The following NBN variants were observed in gnomAD, a reference collection of about 807,000 sequenced individuals.
The protein encoded by NBN is nibrin.
In NBN, 88 loss-of-function variants were observed where a neutral mutation model predicts 90.8. The ratio of observed to expected loss-of-function variants is 0.97; its 90% CI spans 0.82 to 1.16. The LOEUF is 1.16. NBN is among the 50% of genes most tolerant of loss of function. The pLI, the probability that NBN is intolerant of heterozygous loss-of-function variation, is 0.00. For synonymous variants in NBN, 328 were observed against 295.1 expected (o/e 1.11, Z -1.14); for missense variants, 894 against 869.6 (o/e 1.03, Z -0.35).
At chr8:89,963,624 C>T (rs1811103335) in intron 8 of NBN, among the ~76,000 whole-genome samples, 1 of 152,146 alleles carries the variant, frequency 6.6e-6, no homozygotes, top group Admixed American at 6.6e-5. Context: ...CAGTGACTGT[C>T]TCTGAATACA....
chr8:89,977,378 T>C (rs935260122), intron 5 of NBN, among the ~76,000 whole-genome samples: 2 of 152,192 alleles, frequency 1.3e-5, no homozygotes. Context: ...GCTTCATCCA[T>C]GTCCCTGCAA....
rs561077201 is a variant in NBN at position 89,953,708 on chromosome 8, A to C, written c.1398-17T>G. 4 of 1,589,348 alleles carry C rather than the reference A, an allele frequency of 2.5e-6. No homozygotes were observed. Among genetic ancestry groups the C allele is most frequent in the African/African-American group, 1.3e-5 (1 of 74,296 alleles). On this transcript the variant is annotated splice_polypyrimidine_tract_variant and intron_variant, in intron 10 of 15. Coordinates refer to ENST00000265433, the MANE Select transcript of NBN (RefSeq NM_002485.5). ...TCCCTTTCCCTTAGATTTAAAAAAA[A>C]AGAAGAAAACAAAACAAGAAAATGA...
At chr8:89,964,846 G>C (rs952527739) in intron 7 of NBN, among the ~76,000 whole-genome samples, 1 of 152,174 alleles carries the variant, frequency 6.6e-6, no homozygotes, top group African/African-American at 2.4e-5. Context: ...AGGCATGGTG[G>C]TTCATGCCTG....
chr8:89,977,094 G>A (rs949598634), intron 5 of NBN, among the ~76,000 whole-genome samples: 5 of 152,042 alleles, frequency 3.3e-5, no homozygotes, highest in South Asian at 4.1e-4. Flanking sequence ...GGATACATGT[G>A]CAGAACATGC....
chr8:89,945,988 T>C, intron 13 of NBN, 152 bp downstream of exon 13: 1 of 607,276 alleles, frequency 1.6e-6, no homozygotes, highest in Non-Finnish European at 2.9e-6. Context: ...TAACTGTAAG[T>C]TCATATCCTT....
At chr8:89,945,763 T>C (rs1648276327) in intron 13 of NBN, among the ~76,000 whole-genome samples, 1 of 152,186 alleles carries the variant, frequency 6.6e-6, no homozygotes, top group Non-Finnish European at 1.5e-5. Context: ...TTACTGAATA[T>C]GCTTAGTTAT....
rs554294172 is a variant in NBN, at chr8:89,984,420, C to T, written c.37+105G>A. On this transcript the variant is annotated intron_variant, in intron 1 of 15. Transcript: ENST00000265433. ...GCCGCTTCTGCGACCGCTTCCGCAG[C>T]GTCCCCGGGCAGGAACGGACGCGAC... 4.9e-5 allele frequency: 53 copies of T among 1,078,110 alleles called. No individual in the cohort carries two copies. The South Asian group carries it at 7.0e-4, about 14-fold the overall frequency. The allele number at this position is 1,078,110 out of a possible 1,614,324, so 66.8% of individuals were successfully genotyped here.
chr8:89,938,988 A>G (rs1809813191), intron 14 of NBN, among the ~76,000 whole-genome samples: 1 of 152,194 alleles, frequency 6.6e-6, no homozygotes. Flanking sequence ...TAGTATTAAG[A>G]AACAGAAATG....
intron 14 of NBN, among the ~76,000 whole-genome samples, chr8:89,939,982 C>T (rs1156825931): frequency 6.6e-6 from 1 of 152,176 alleles, no homozygotes; most frequent in Non-Finnish European, 1.5e-5. Context: ...TGTCTTCAGA[C>T]AACAGAAACT....
At chr8:89,938,478 GTA>G (rs374727437) in intron 14 of NBN, among the ~76,000 whole-genome samples, 2 of 151,168 alleles carry the variant, frequency 1.3e-5, no homozygotes, top group Non-Finnish European at 3.0e-5. Context: ...GTGTGTGTGT[GTA>G]TATATATATA....
intron 5 of NBN, 142 bp from the exon 6 acceptor site, chr8:89,971,432 G>A: frequency 1.0e-6 from 1 of 997,624 alleles, no homozygotes; most frequent in Non-Finnish European, 1.4e-6. Flanking sequence ...AATTTTATCT[G>A]GGACAAAATG....
rs754706758 is a variant in NBN at position 89,953,542 on chromosome 8, G to A, written c.1547C>T (p.Thr516Ile). Reference sequence around the variant, plus strand: ...TGTAAATAAGTTATTGTCTGAGTTTGTGTCCACAGGCTCATTCTCAGATAG... The same window carrying A: ...TGTAAATAAGTTATTGTCTGAGTTTATGTCCACAGGCTCATTCTCAGATAG... Reference protein sequence around the residue: ...QHLSENEPVDTNSDNNLFTDT... With the variant: ...QHLSENEPVDINSDNNLFTDT... The change falls in exon 11 of 16, where the codon ACA (threonine) becomes ATA (isoleucine). Residue 516 changes from threonine (T) to isoleucine (I), a missense_variant. Thr to Ile is a moderately conservative substitution (Grantham distance 89). Coordinates refer to ENST00000265433, the MANE Select transcript of NBN (RefSeq NM_002485.5). 1.9e-6 allele frequency: 3 copies of A among 1,613,718 alleles called. No individual in the cohort carries two copies. In the Admixed American group the frequency reaches 5.0e-5, roughly 27 times the overall value.
rs878854505 is a variant in NBN, at chr8:89,953,677, T to C, written c.1412A>G (p.Glu471Gly). The C allele has an allele frequency of 1.9e-6, 3 of 1,610,706 alleles. No individual in the cohort carries two copies. In the Admixed American group the frequency reaches 5.0e-5, roughly 27 times the overall value. The change falls in exon 11 of 16, where the codon GAA becomes GGA. Residue 471 changes from glutamate to glycine, a missense_variant. By Grantham distance (98) the Glu-to-Gly change is moderately conservative (BLOSUM62 -2). Coordinates refer to ENST00000265433, the MANE Select transcript of NBN (RefSeq NM_002485.5). ...PSTKKRERDE[E>G]NQEMSSCKSA... Reference sequence around the variant, plus strand: ...TTTGCATGAAGACATTTCTTGATTTTCTTCATCCCTTTCCCTTAGATTTAA... The same window carrying C: ...TTTGCATGAAGACATTTCTTGATTTCCTTCATCCCTTTCCCTTAGATTTAA...
rs772411713 is a variant in NBN at position 89,953,593 on chromosome 8, G to C, written c.1496C>G (p.Ser499Ter). Residue 499 changes from serine (S) to a stop codon, truncating the protein, a stop_gained, in exon 11 of 16, where the codon TCA becomes TGA. Transcript: ENST00000265433. LOFTEE classifies it high-confidence loss of function. Reference protein sequence around the residue: ...LLEQTQPATPSLWKNKEQHLS... With the variant: ...LLEQTQPATP ...ATGCTGCTCCTTATTTTTCCACAAT[G>C]AGGGTGTAGCAGGTTGTGTTTGTTC... 6.2e-7 allele frequency: 1 copy of C among 1,613,516 alleles called. No homozygotes were observed.
At position 89,981,441 on chromosome 8, in the gene NBN, T is replaced by C. The variant is rs587780095; in HGVS notation, c.254A>G (p.Asn85Ser). The C allele has an allele frequency of 6.8e-5, 109 of 1,614,062 alleles. No individual in the cohort carries two copies. In the South Asian group the frequency reaches 9.0e-4, roughly 13 times the overall value. The change falls in exon 3 of 16, where the codon AAT (asparagine) becomes AGT (serine). Residue 85 changes from asparagine (N) to serine (S), a missense_variant. Asn to Ser is a conservative substitution (Grantham distance 46). Coordinates refer to ENST00000265433, the MANE Select transcript of NBN (RefSeq NM_002485.5). ...GTFVNEEKMQ[N>S]GFSRTLKSGD... ...CGACTTCAAAGTTCGGGAAAAGCCA[T>C]TCTGCATTTTTTCCTCATTAACAAA... is the stretch of plus-strand genomic sequence containing the variant.
At chr8:89,958,659 T>C (rs1213899409) in intron 9 of NBN, 66 bp downstream of exon 9, 4 of 1,550,072 alleles carry the variant, frequency 2.6e-6, no homozygotes, top group Non-Finnish European at 3.6e-6. Context: ...AGGGCATTAC[T>C]TCCTGAATAT....
At chr8:89,939,803 A>ATAG (rs1453889714) in intron 14 of NBN, among the ~76,000 whole-genome samples, 1 of 152,240 alleles carries the variant, frequency 6.6e-6, no homozygotes, top group African/African-American at 2.4e-5. Flanking sequence ...GACCAAACAC[A>ATAG]TAGGCTCCAA....
intron 9 of NBN, among the ~76,000 whole-genome samples, chr8:89,958,140 C>T (rs899587589): frequency 3.3e-5 from 5 of 152,124 alleles, no homozygotes; most frequent in African/African-American, 9.6e-5. Flanking sequence ...CTAATGCTAC[C>T]GCTGATCTGA....
intron 7 of NBN, among the ~76,000 whole-genome samples, chr8:89,968,102 A>C (rs532716674): frequency 6.6e-6 from 1 of 152,172 alleles, no homozygotes; most frequent in South Asian, 2.1e-4. Context: ...TACAAGAAAT[A>C]AAGAAATTAG....
Sources: gnomAD v4.1 joint callset for allele counts (sites outside exome capture counted in the v4.1 genomes callset) on GRCh38, gnomAD v4.1.1 for gene constraint, MANE v1.5 for transcripts, NCBI Gene and HGNC (gene_info 2026-07-23, HGNC 2026-07-21) for gene names.